HYLS1: variants seen among roughly 807,000 people sequenced by gnomAD.
The protein encoded by HYLS1 is centriolar and ciliogenesis-associated protein HYLS1.
In HYLS1, 25 loss-of-function variants were observed where a neutral mutation model predicts 29.4. The ratio of observed to expected loss-of-function variants is 0.85; its 90% CI spans 0.62 to 1.19. HYLS1 has a LOEUF of 1.19. Among genes scored for constraint, HYLS1 ranks in the 50% most tolerant of loss-of-function variants. HYLS1 has a pLI of 0.00. For synonymous variants in HYLS1, 128 were observed against 126.7 expected, an observed-to-expected ratio of 1.01 and a Z score of -0.07; for missense variants, 352 against 365.1, an observed-to-expected ratio of 0.96 and a Z score of 0.29.
chr11:125,900,045 T>C lies in HYLS1; in HGVS notation c.677T>C (p.Ile226Thr). ...GAGTACAAACGGGACTGGGACTCAA[T>C]ACGTTTACCTGGTGAAGATCATAGA... ...YFEYKRDWDS[I>T]RLPGEDHRKE... Residue 226 changes from isoleucine (I) to threonine (T), a missense_variant, in exon 3 of 3, where the codon ATA becomes ACA. By Grantham distance (89) the Ile-to-Thr change is moderately conservative. Coordinates refer to ENST00000425380, the MANE Select transcript of HYLS1 (RefSeq NM_001134793.2). 1 of 1,614,192 alleles carries C rather than the reference T, an allele frequency of 6.2e-7. No homozygotes were observed. Among genetic ancestry groups the C allele is most frequent in the Non-Finnish European group, 8.5e-7 (1 of 1,180,030 alleles).
In HYLS1 at chr11:125,899,622, C is replaced by G. The variant is rs1392942235; in HGVS notation, c.254C>G (p.Ala85Gly). ...SNVPSETVSE[A>G]SQRLRKPVMK... ...GTCCCTTCAGAAACAGTCTCTGAGG[C>G]CTCCCAAAGACTCCGAAAGCCAGTG... is the stretch of plus-strand genomic sequence containing the variant. The change falls in exon 3 of 3, where the codon GCC becomes GGC. Residue 85 changes from alanine to glycine, a missense_variant. Physicochemically the swap from Ala to Gly is moderately conservative, Grantham distance 60. Transcript: ENST00000425380. 1 of 1,614,138 alleles carries G rather than the reference C, an allele frequency of 6.2e-7. No individual in the cohort carries two copies. The highest frequency in any genetic ancestry group is 1.1e-5 in the South Asian group (1 of 91,070).
At chr11:125,884,251 A>G (rs967432836), upstream of HYLS1, among the ~76,000 whole-genome samples, 5 of 152,256 alleles carry the variant, frequency 3.3e-5, no homozygotes, top group Non-Finnish European at 5.9e-5. Context: ...AAAGACAAGT[A>G]GAAAATTGAA....
intron 2 of HYLS1, among the ~76,000 whole-genome samples, chr11:125,897,582 C>T (rs1298921783): frequency 6.8e-6 from 1 of 146,878 alleles, no homozygotes; most frequent in Admixed American, 6.8e-5. Flanking sequence ...GCATTTCAAA[C>T]AAAAAGAAAA....
At chr11:125,888,621 T>C (rs1228397898) in intron 1 of HYLS1, among the ~76,000 whole-genome samples, 1 of 151,166 alleles carries the variant, frequency 6.6e-6, no homozygotes, top group Admixed American at 6.6e-5. Flanking sequence ...ATACAAAAAT[T>C]GGCCGGGCTT....
upstream of HYLS1, chr11:125,887,445 G>A (rs1015719731): frequency 6.6e-6 from 1 of 152,284 alleles, no homozygotes; most frequent in Non-Finnish European, 1.5e-5. Flanking sequence ...CCTCAGCTAG[G>A]CGGGCTCGGA....
intron 2 of HYLS1, among the ~76,000 whole-genome samples, chr11:125,896,836 A>T (rs1486547226): frequency 6.6e-6 from 1 of 152,200 alleles, no homozygotes; most frequent in Non-Finnish European, 1.5e-5. Context: ...GGTGCAATAG[A>T]AGCTAGCCTA....
chr11:125,895,051 CTTTT>C (rs11384524), intron 2 of HYLS1, among the ~76,000 whole-genome samples: 1 of 142,028 alleles, frequency 7.0e-6, no homozygotes, highest in African/African-American at 2.6e-5. Context: ...TATGCTATTT[CTTTT>C]TTTTTTTTTT....
chr11:125,888,705 G>A (rs1481785058), intron 1 of HYLS1, among the ~76,000 whole-genome samples: 1 of 150,832 alleles, frequency 6.6e-6, no homozygotes, highest in Non-Finnish European at 1.5e-5. Flanking sequence ...GGAGGGAGAG[G>A]TTGCAGTGAG....
upstream of HYLS1, chr11:125,883,865 ACT>A (rs1480386826): frequency 2.6e-5 from 4 of 152,112 alleles, no homozygotes; most frequent in Non-Finnish European, 4.4e-5. Flanking sequence ...CAAGAGCGAG[ACT>A]CTGTCTCAAA....
At chr11:125,899,281 G>T in intron 2 of HYLS1, 63 bp from the exon 3 acceptor site, 1 of 1,208,350 alleles carries the variant, frequency 8.3e-7, no homozygotes. Flanking sequence ...GGAGATAAGG[G>T]AATGAGCAAT....
chr11:125,889,459 G>A (rs1465558856), intron 1 of HYLS1, among the ~76,000 whole-genome samples: 2 of 152,166 alleles, frequency 1.3e-5, no homozygotes, highest in South Asian at 2.1e-4. Flanking sequence ...TGGGCCGGGC[G>A]CGGTGGCTCA....
intron 2 of HYLS1, chr11:125,895,182 G>A: frequency 1.4e-6 from 2 of 1,479,116 alleles, no homozygotes; most frequent in Non-Finnish European, 1.8e-6. Context: ...CGAGTAGCTG[G>A]GACTACAGGC....
At chr11:125,897,522 TAAAA>T (rs367854387) in intron 2 of HYLS1, among the ~76,000 whole-genome samples, 1 of 147,330 alleles carries the variant, frequency 6.8e-6, no homozygotes, top group African/African-American at 2.5e-5. Flanking sequence ...AATGAAAAAG[TAAAA>T]AAAAAAAAAA....
At chr11:125,885,497 T>A (rs1001832718), upstream of HYLS1, among the ~76,000 whole-genome samples, 2 of 151,708 alleles carry the variant, frequency 1.3e-5, no homozygotes, top group African/African-American at 2.4e-5. Context: ...GGGGGATCCA[T>A]AAGGAGAATG....
Position 125,899,854 on chromosome 11 carries a change from A to T in HYLS1, c.486A>T (p.Gly162=). ...TTAACCTACCACATGAATACCAAGG[A>T]ATTTCTCAAGATCAGCTCATTTGCT... is the stretch of plus-strand genomic sequence containing the variant. ...QKFNLPHEYQ[G]ISQDQLICSL... is the part of the protein sequence containing the mutation. Residue 162 remains glycine (G), a synonymous_variant, in exon 3 of 3, where the codon GGA becomes GGT. Transcript: ENST00000425380. The T allele has an allele frequency of 6.2e-7, 1 of 1,614,184 alleles. No homozygotes were observed. Among genetic ancestry groups the T allele is most frequent in the East Asian group, 2.2e-5 (1 of 44,886 alleles).
chr11:125,885,167 T>C (rs146361274), upstream of HYLS1, among the ~76,000 whole-genome samples: 305 of 152,250 alleles, frequency 2.0e-3, 13 homozygotes, highest in East Asian at 0.052. Context: ...AGAAACTAAT[T>C]GGGGCTGCAC....
At chr11:125,892,904 T>C (rs73626619) in intron 2 of HYLS1, among the ~76,000 whole-genome samples, 4,664 of 152,298 alleles carry the variant, frequency 0.031, 230 homozygotes, top group African/African-American at 0.1. Context: ...TTTTAAACTA[T>C]GTTCTTGTCA....
At chr11:125,889,821 T>A (rs567954617) in intron 1 of HYLS1, among the ~76,000 whole-genome samples, 1 of 152,330 alleles carries the variant, frequency 6.6e-6, no homozygotes, top group East Asian at 1.9e-4. Flanking sequence ...ATAAGGATGC[T>A]TGTTTTTATT....
At chr11:125,897,240 T>C (rs185985230) in intron 2 of HYLS1, among the ~76,000 whole-genome samples, 1 of 152,252 alleles carries the variant, frequency 6.6e-6, no homozygotes, top group African/African-American at 2.4e-5. Context: ...TTTCTGTATC[T>C]ATAATAGATT....
Sources: gnomAD v4.1 joint callset for allele counts (sites outside exome capture counted in the v4.1 genomes callset) on GRCh38, gnomAD v4.1.1 for gene constraint, MANE v1.5 for transcripts, NCBI Gene and HGNC (gene_info 2026-07-23, HGNC 2026-07-21) for gene names.